Variants in PLCL1 observed in about 807,000 individuals in gnomAD.
PLCL1 encodes phospholipase C like 1 (inactive), also known as inactive phospholipase C-like protein 1.
A neutral mutation model predicts 84.4 loss-of-function variants in PLCL1; 41 were observed. The observed-to-expected ratio is 0.49, with a 90% confidence interval of 0.38 to 0.63. The LOEUF (loss-of-function observed/expected upper bound fraction) is 0.63, where lower values mean the gene tolerates loss of function less well. Among genes scored for constraint, PLCL1 ranks in the 30% least tolerant of loss-of-function variants. The pLI, the probability that PLCL1 is intolerant of heterozygous loss-of-function variation, is 0.00. For missense variants in PLCL1, 1,206 were observed against 1,367.8 expected, an observed-to-expected ratio of 0.88 and a Z score of 1.87; for synonymous variants, 490 against 488.3, an observed-to-expected ratio of 1.00 and a Z score of -0.05.
intron 5 of PLCL1, among the ~76,000 whole-genome samples, chr2:198,112,375 C>T (rs1238450039): frequency 2.0e-5 from 3 of 151,866 alleles, no homozygotes; most frequent in Non-Finnish European, 4.4e-5. Context: ...AGCCAGCCTC[C>T]TCTTGTTTCT....
At chr2:198,020,669 A>G (rs374195518) in intron 1 of PLCL1, among the ~76,000 whole-genome samples, 31 of 152,354 alleles carry the variant, frequency 2.0e-4, no homozygotes, top group East Asian at 1.2e-3. Context: ...ACATAATGGT[A>G]AAGGGATCAA....
intron 1 of PLCL1, among the ~76,000 whole-genome samples, chr2:197,946,506 T>A (rs1413020655): frequency 8.4e-6 from 1 of 118,554 alleles, no homozygotes; most frequent in African/African-American, 3.4e-5. Flanking sequence ...TTTAAAGAAA[T>A]TAAAAACAAT....
At position 198,084,940 on chromosome 2, in the gene PLCL1, A is replaced by G; in HGVS notation, c.1423A>G (p.Ile475Val). The G allele has an allele frequency of 6.2e-7, 1 of 1,614,034 alleles. No individual in the cohort carries two copies. Among genetic ancestry groups the G allele is most frequent in the Non-Finnish European group, 8.5e-7 (1 of 1,179,952 alleles). The change falls in exon 2 of 6, where the codon ATA becomes GTA. Residue 475 changes from isoleucine (I) to valine (V), a missense_variant. Transcript: ENST00000428675. ...HVSFRSVIEV[I>V]NKFAFVASEY... ...TTCCTTTCGAAGTGTCATAGAGGTA[A>G]TAAATAAATTTGCCTTTGTTGCTTC...
At chr2:197,823,360 A>C (rs696815) in intron 1 of PLCL1, among the ~76,000 whole-genome samples, 110,661 of 151,768 alleles carry the variant, frequency 0.73, 41,093 homozygotes, top group African/African-American at 0.88. Flanking sequence ...GTCTCTCTCT[A>C]TATATATATA....
intron 1 of PLCL1, among the ~76,000 whole-genome samples, chr2:197,843,667 C>T (rs1299890352): frequency 6.6e-6 from 1 of 152,140 alleles, no homozygotes; most frequent in Non-Finnish European, 1.5e-5. Flanking sequence ...GTATCCATCC[C>T]AGGCTCTGCT....
chr2:198,109,106 A>G (rs1693557448), intron 5 of PLCL1, among the ~76,000 whole-genome samples: 1 of 151,860 alleles, frequency 6.6e-6, no homozygotes, highest in African/African-American at 2.4e-5. Context: ...GAGACTGGGT[A>G]ATTTATAAAC....
At chr2:197,904,913 A>G (rs7572123) in intron 1 of PLCL1, among the ~76,000 whole-genome samples, 110,711 of 152,104 alleles carry the variant, frequency 0.73, 41,366 homozygotes, top group African/African-American at 0.9. Flanking sequence ...TCACATATGT[A>G]AATATTAGAT....
chr2:197,848,280 A>T (rs1687158801), intron 1 of PLCL1, among the ~76,000 whole-genome samples: 2 of 152,200 alleles, frequency 1.3e-5, no homozygotes, highest in Admixed American at 1.3e-4. Context: ...TCTGACACGA[A>T]CATGCTGTTT....
At chr2:198,090,889 A>G (rs1693011815) in intron 3 of PLCL1, among the ~76,000 whole-genome samples, 1 of 152,128 alleles carries the variant, frequency 6.6e-6, no homozygotes, top group Non-Finnish European at 1.5e-5. Flanking sequence ...GGCAATTGCC[A>G]TTTCACACCC....
At chr2:198,122,427 C>A (rs965134305) in intron 5 of PLCL1, among the ~76,000 whole-genome samples, 2 of 152,042 alleles carry the variant, frequency 1.3e-5, no homozygotes. Context: ...TCATCACCAT[C>A]TTCATCACTG....
In PLCL1 at chr2:197,805,352, G is replaced by A. The variant is rs757516315; in HGVS notation, c.240+13G>A. On this transcript the variant is annotated intron_variant, in intron 1 of 5. Transcript: ENST00000428675. The surrounding 1 kb of genome is among the most constrained non-coding windows in gnomAD (Gnocchi z 4.0). ...CAGCATCATCAAGGTAAGCAAAGCC[G>A]CGCCGCACCGGGAGCGTGGCTGTGG... 2.5e-5 allele frequency: 33 copies of A among 1,337,924 alleles called. No individual in the cohort carries two copies. The highest frequency in any genetic ancestry group is 1.9e-6 in the Non-Finnish European group (2 of 1,050,338). 82.9% of individuals were successfully genotyped at this position (1,337,924 alleles called of 1,614,324 possible). A position where few individuals can be genotyped will look rare whatever the true frequency, so the allele number is the denominator to read the frequency against.
rs775260737 is a variant in PLCL1 at position 198,085,181 on chromosome 2, T to A, written c.1664T>A (p.Val555Glu). 6.2e-7 allele frequency: 1 copy of A among 1,613,798 alleles called. No individual in the cohort carries two copies. Among genetic ancestry groups the A allele is most frequent in the South Asian group, 1.1e-5 (1 of 91,040 alleles). Reference protein sequence around the residue: ...PSDPDVLEGEVTDEDEEAEMS... With the variant: ...PSDPDVLEGEETDEDEEAEMS... ...GATCCAGATGTGTTAGAAGGAGAAG[T>A]AACAGATGAAGATGAAGAAGCTGAA... The change falls in exon 2 of 6, where the codon GTA (valine) becomes GAA (glutamate). Residue 555 changes from valine to glutamate, a missense_variant. Physicochemically the swap from Val to Glu is moderately radical, Grantham distance 121. Coordinates refer to ENST00000428675, the MANE Select transcript of PLCL1 (RefSeq NM_006226.4). This position sits in a 1 kb window ranked among gnomAD's most constrained non-coding sequence, Gnocchi z 5.3.
At chr2:198,133,421 A>C (rs1001190325) in intron 5 of PLCL1, among the ~76,000 whole-genome samples, 33 of 150,372 alleles carry the variant, frequency 2.2e-4, no homozygotes, top group South Asian at 4.3e-4. Context: ...GATATACCTA[A>C]GGCTAGATGA....
chr2:198,092,228 C>T (rs1035385334), intron 3 of PLCL1, among the ~76,000 whole-genome samples: 16 of 151,922 alleles, frequency 1.1e-4, no homozygotes, highest in African/African-American at 3.6e-4. Flanking sequence ...GTCTCATCTG[C>T]CTTTTCTAGC....
chr2:198,080,202 C>T (rs1018165098), intron 1 of PLCL1, among the ~76,000 whole-genome samples: 1 of 152,168 alleles, frequency 6.6e-6, no homozygotes, highest in Non-Finnish European at 1.5e-5. Context: ...GCCAAAAGTA[C>T]CCATCTTCCC....
rs193033923 is a variant in PLCL1 at position 197,819,280 on chromosome 2, C to T, written c.240+13941C>T. ...CCACCCCCAGCCCTAGCCACTAAAT[C>T]CACCATTCTAGCTTGCCGTGGGGGC... On this transcript the variant is annotated intron_variant, in intron 1 of 5. Transcript: ENST00000428675. Among the ~76,000 whole-genome samples the T allele has an allele frequency of 4.5e-4, 68 of 152,160 alleles. 2 individuals are homozygous for T. In the South Asian group the frequency reaches 1.0e-2, roughly 22 times the overall value.
At chr2:197,867,755 A>G (rs1378223191) in intron 1 of PLCL1, among the ~76,000 whole-genome samples, 1 of 151,868 alleles carries the variant, frequency 6.6e-6, no homozygotes, top group African/African-American at 2.4e-5. Context: ...CATCTTGCCT[A>G]CTCTGCTCCA....
At chr2:197,917,754 G>A (rs548392938) in intron 1 of PLCL1, among the ~76,000 whole-genome samples, 9 of 152,122 alleles carry the variant, frequency 5.9e-5, no homozygotes, top group African/African-American at 1.9e-4. Context: ...GGAGATGTAC[G>A]CGATGAACCT....
chr2:197,934,888 C>A (rs543960093), intron 1 of PLCL1, among the ~76,000 whole-genome samples: 1 of 152,246 alleles, frequency 6.6e-6, no homozygotes, highest in African/African-American at 2.4e-5. Context: ...AATTCTGCAT[C>A]TGACAAGGGT....
Sources: allele counts gnomAD v4.1 joint callset (sites outside exome capture counted in the v4.1 genomes callset), GRCh38; gene constraint gnomAD v4.1.1; non-coding constraint Gnocchi (gnomAD v3.1); transcripts MANE v1.5; gene names NCBI Gene and HGNC (gene_info 2026-07-23, HGNC 2026-07-21).